FRMD5: variants seen among roughly 807,000 people sequenced by gnomAD.
FRMD5 encodes the protein FERM domain containing 5, also known as FERM domain-containing protein 5.
Under a neutral mutation model 69.0 loss-of-function variants are expected in FRMD5, and 20 were observed. The observed-to-expected ratio is 0.29, with a 90% CI of 0.20 to 0.42. The LOEUF (loss-of-function observed/expected upper bound fraction) is 0.42. FRMD5 is among the 10% of genes least tolerant of loss of function. The pLI is 1.00. For synonymous variants in FRMD5, 271 were observed against 260.1 expected, an observed-to-expected ratio of 1.04 and a Z score of -0.40; for missense variants, 595 against 708.6, an observed-to-expected ratio of 0.84 and a Z score of 1.82.
At chr15:44,049,838 T>C (rs1411809199) in intron 1 of FRMD5, among the ~76,000 whole-genome samples, 1 of 152,158 alleles carries the variant, frequency 6.6e-6, no homozygotes, top group African/African-American at 2.4e-5. Flanking sequence ...CTTCCCAGAG[T>C]TCTCCAATTG....
chr15:44,165,117 T>C (rs1461711101), intron 1 of FRMD5, among the ~76,000 whole-genome samples: 3 of 152,200 alleles, frequency 2.0e-5, no homozygotes, highest in Non-Finnish European at 4.4e-5. Context: ...AGTCCCCTTC[T>C]GTTAAAATCA....
intron 1 of FRMD5, among the ~76,000 whole-genome samples, chr15:44,054,999 T>C (rs1309211489): frequency 6.7e-6 from 1 of 149,286 alleles, no homozygotes; most frequent in African/African-American, 2.5e-5. Context: ...GAACCCAGGA[T>C]ATGGAGGTTG....
intron 1 of FRMD5, among the ~76,000 whole-genome samples, chr15:43,980,998 AACACAGACACACAAACACAC>A (rs1315804003): frequency 1.3e-5 from 2 of 152,288 alleles, no homozygotes; most frequent in Middle Eastern, 3.4e-3. Flanking sequence ...TAGTCAATTT[AACACAGACACACAAACACAC>A]ACACATACAC....
rs1287264170 is a variant in FRMD5 at position 43,873,317 on chromosome 15, C to T, written c.*568G>A. ...TTTAATCATTCTACATGGATGTTTA[C>T]TTTTTTAAAAGTTCTGGCTGGCAAA... On this transcript the variant is annotated 3_prime_UTR_variant, in exon 14 of 14. Transcript: ENST00000417257. The T allele has an allele frequency of 6.6e-7, 1 of 1,506,670 alleles. No homozygotes were observed. Among genetic ancestry groups the T allele is most frequent in the Non-Finnish European group, 8.8e-7 (1 of 1,132,408 alleles). The allele number at this position is 1,506,670 out of a possible 1,614,324, so 93.3% of individuals were successfully genotyped here. A position where few individuals can be genotyped will look rare whatever the true frequency, so the allele number is the denominator to read the frequency against.
intron 1 of FRMD5, among the ~76,000 whole-genome samples, chr15:43,949,808 A>T (rs2089999124): frequency 6.6e-6 from 1 of 152,178 alleles, no homozygotes; most frequent in Non-Finnish European, 1.5e-5. Context: ...CCTGGACACA[A>T]GGCATCCATT....
chr15:44,080,113 A>G (rs1268781290), intron 1 of FRMD5, among the ~76,000 whole-genome samples: 2 of 152,116 alleles, frequency 1.3e-5, no homozygotes, highest in African/African-American at 4.8e-5. Flanking sequence ...TTATATATAT[A>G]TTTTACCACA....
chr15:43,881,942 A>G (rs1389935907), intron 13 of FRMD5, among the ~76,000 whole-genome samples: 3 of 152,208 alleles, frequency 2.0e-5, no homozygotes, highest in African/African-American at 7.2e-5. Flanking sequence ...CCCAAGCAGC[A>G]TTCTTACAGA....
At chr15:43,874,995 C>A (rs1173911764) in intron 13 of FRMD5, among the ~76,000 whole-genome samples, 1 of 152,046 alleles carries the variant, frequency 6.6e-6, no homozygotes, top group Non-Finnish European at 1.5e-5. Context: ...GTAAGGAGTT[C>A]GAGACCAGCC....
chr15:44,070,515 C>A (rs1893496133), intron 1 of FRMD5, among the ~76,000 whole-genome samples: 1 of 152,088 alleles, frequency 6.6e-6, no homozygotes, highest in Non-Finnish European at 1.5e-5. Flanking sequence ...AAAACTACCT[C>A]CAGATTTGAA....
intron 1 of FRMD5, among the ~76,000 whole-genome samples, chr15:44,120,980 C>T (rs530608087): frequency 1.7e-4 from 26 of 151,882 alleles, no homozygotes; most frequent in African/African-American, 6.0e-4. Flanking sequence ...ATTTAGTAGT[C>T]GTCAGTGTTT....
chr15:44,058,443 G>A (rs547594747), intron 1 of FRMD5, among the ~76,000 whole-genome samples: 107 of 152,260 alleles, frequency 7.0e-4, no homozygotes, highest in African/African-American at 2.5e-3. Flanking sequence ...GTACAACTCC[G>A]TGAATAAGCT....
At chr15:44,109,527 G>GA (rs767125279) in intron 1 of FRMD5, among the ~76,000 whole-genome samples, 72 of 151,990 alleles carry the variant, frequency 4.7e-4, no homozygotes, top group Admixed American at 7.9e-4. Flanking sequence ...GAATTGAGCA[G>GA]AAAGTACAGA....
At chr15:43,886,315 T>TG (rs2088662516) in intron 10 of FRMD5, among the ~76,000 whole-genome samples, 1 of 152,186 alleles carries the variant, frequency 6.6e-6, no homozygotes. Context: ...CTAAAATACA[T>TG]GACCACAGTA....
chr15:44,111,309 T>G (rs2076792392), intron 1 of FRMD5, among the ~76,000 whole-genome samples: 1 of 152,198 alleles, frequency 6.6e-6, no homozygotes. Flanking sequence ...TATATTTCAC[T>G]GACTCTGAAA....
intron 1 of FRMD5, among the ~76,000 whole-genome samples, chr15:44,049,764 TCTTGA>T (rs1377597377): frequency 6.6e-6 from 1 of 152,190 alleles, no homozygotes. Context: ...AATATATAAC[TCTTGA>T]CTTAGAGGAA....
upstream of FRMD5, among the ~76,000 whole-genome samples, chr15:44,196,238 G>T (rs1006396295): frequency 1.3e-5 from 2 of 152,168 alleles, no homozygotes; most frequent in Non-Finnish European, 2.9e-5. Context: ...GAGGCGGGCG[G>T]ATCACCTGAT....
intron 1 of FRMD5, among the ~76,000 whole-genome samples, chr15:44,091,341 G>C (rs1006017623): frequency 5.6e-4 from 85 of 152,044 alleles, no homozygotes; most frequent in African/African-American, 1.9e-3. Flanking sequence ...GATATATATA[G>C]ATATATATGC....
At chr15:43,962,208 C>T (rs1230009579) in intron 1 of FRMD5, among the ~76,000 whole-genome samples, 2 of 152,206 alleles carry the variant, frequency 1.3e-5, no homozygotes, top group Admixed American at 6.5e-5. Flanking sequence ...TCAGCAAAGT[C>T]TCAGGATACA....
chr15:44,157,193 C>T (rs985576668), intron 1 of FRMD5, among the ~76,000 whole-genome samples: 3 of 152,146 alleles, frequency 2.0e-5, no homozygotes, highest in African/African-American at 7.2e-5. Context: ...ATGTTTAATT[C>T]CTACTTCTCT....
Sources: allele counts gnomAD v4.1 joint callset (sites outside exome capture counted in the v4.1 genomes callset), GRCh38; gene constraint gnomAD v4.1.1; transcripts MANE v1.5; gene names NCBI Gene and HGNC (gene_info 2026-07-23, HGNC 2026-07-21).